NLRC5: variants seen among roughly 807,000 people sequenced by gnomAD.
The protein encoded by NLRC5 is NLR family CARD domain containing 5, also known as protein NLRC5.
Under a neutral mutation model 206.9 loss-of-function variants are expected in NLRC5, and 114 were observed. The ratio of observed to expected loss-of-function variants is 0.55; its 90% CI spans 0.47 to 0.64. The LOEUF is 0.64. NLRC5 is among the 30% of genes least tolerant of loss of function. NLRC5 has a pLI of 0.00. For synonymous variants in NLRC5, 952 were observed against 962.8 expected (o/e 0.99, Z 0.21); for missense variants, 2,008 against 2,305.5 (o/e 0.87, Z 2.64).
In NLRC5 at chr16:57,067,587, T is replaced by C. The variant is rs1182407697; in HGVS notation, c.4406+117T>C. The C allele has an allele frequency of 4.4e-6, 6 of 1,368,058 alleles. No homozygotes were observed. The Admixed American group carries it at 1.1e-4, about 25-fold the overall frequency. 84.7% of individuals were successfully genotyped at this position (1,368,058 alleles called of 1,614,324 possible). A position where few individuals can be genotyped will look rare whatever the true frequency, so the allele number is the denominator to read the frequency against. On this transcript the variant is annotated intron_variant, in intron 35 of 48. Transcript: ENST00000688547. ...TCCTTGTGCAGGAGAAAATCACACT[T>C]GGCCAGTGGAGGGGAGGGAGAGCCC...
rs767174444 is a variant in NLRC5, at chr16:57,066,570, G to T, written c.4278G>T (p.Leu1426=). 1 of 1,614,048 alleles carries T rather than the reference G, an allele frequency of 6.2e-7. No individual in the cohort carries two copies. The highest frequency in any genetic ancestry group is 8.5e-7 in the Non-Finnish European group (1 of 1,180,008). Residue 1426 remains leucine (L), a synonymous_variant, in exon 34 of 49, where the codon CTG becomes CTT. Transcript: ENST00000688547. ...SETQQQLCVQ[L]EFPRQEENPE... The stretch of plus-strand genomic sequence containing the variant: ...CCCAGCAGCAGCTCTGTGTCCAGCT[G>T]GAATTTCCTCGCCAGGAAGAGAATC...
At chr16:57,006,124 G>A (rs547563889) in intron 1 of NLRC5, among the ~76,000 whole-genome samples, 5 of 151,324 alleles carry the variant, frequency 3.3e-5, no homozygotes, top group East Asian at 4.0e-4. Context: ...TCAACCTTGC[G>A]GGTAGCTTGG....
chr16:57,017,164 C>A lies in NLRC5; in HGVS notation c.-37C>A, dbSNP rs976989890. ...GACCCTCTCCGTGGGGACCCTAGAG[C>A]ACCTATCATGAACGAGGAGACCAAG... On this transcript the variant is annotated 5_prime_UTR_variant, in exon 2 of 49. Coordinates refer to ENST00000688547, the MANE Select transcript of NLRC5 (RefSeq NM_001384950.1). 1 of 152,750 alleles carries A rather than the reference C, an allele frequency of 6.5e-6. No individual in the cohort carries two copies. The highest frequency in any genetic ancestry group is 1.5e-5 in the Non-Finnish European group (1 of 68,072). 9.5% of individuals were successfully genotyped at this position (152,750 alleles called of 1,614,324 possible). A position where few individuals can be genotyped will look rare whatever the true frequency, so the allele number is the denominator to read the frequency against.
At chr16:57,033,828 C>G (rs2062169885) in intron 12 of NLRC5, among the ~76,000 whole-genome samples, 159 bp downstream of exon 12, 1 of 152,156 alleles carries the variant, frequency 6.6e-6, no homozygotes, top group South Asian at 2.1e-4. Context: ...CCCATCCTGG[C>G]TTGAATAAGG....
At chr16:57,055,259 G>A (rs899923447) in intron 26 of NLRC5, among the ~76,000 whole-genome samples, 165 bp downstream of exon 26, 3 of 152,216 alleles carry the variant, frequency 2.0e-5, no homozygotes, top group South Asian at 2.1e-4. Flanking sequence ...ACACAGGTCC[G>A]GGTGGGATCT....
chr16:57,067,925 CTG>C (rs2067240170), intron 36 of NLRC5, 97 bp downstream of exon 36: 1 of 961,662 alleles, frequency 1.0e-6, no homozygotes, highest in African/African-American at 1.6e-5. Flanking sequence ...GACTCTTACT[CTG>C]TGTCTTACTC....
chr16:57,009,839 G>A lies in NLRC5; in HGVS notation c.-127-7235G>A, dbSNP rs528311978. Among the ~76,000 whole-genome samples, 13 of 152,296 alleles carry A rather than the reference G, an allele frequency of 8.5e-5. 1 individual carries two copies. The East Asian group carries it at 2.5e-3, about 29-fold the overall frequency. On this transcript the variant is annotated intron_variant, in intron 1 of 48. Coordinates refer to ENST00000688547, the MANE Select transcript of NLRC5 (RefSeq NM_001384950.1). ...CTTTCATTCTGGGTGAGATGAGAAG[G>A]CTCTAAGGGGCATAGGACCTGATGT... is the stretch of plus-strand genomic sequence containing the variant.
At chr16:57,077,162 C>T in intron 40 of NLRC5, 134 bp from the exon 41 acceptor site, 2 of 793,308 alleles carry the variant, frequency 2.5e-6, no homozygotes, top group Non-Finnish European at 4.2e-6. Flanking sequence ...AGCTGTCACT[C>T]AACATGGGGT....
At chr16:56,991,890 C>G (rs1337344803) in intron 1 of NLRC5, 1 of 152,140 alleles carries the variant, frequency 6.6e-6, no homozygotes, top group African/African-American at 2.4e-5. Context: ...TCGGCGCCTC[C>G]TAACGTGACC....
chr16:57,043,898 AT>A (rs5817086), intron 20 of NLRC5: 196,446 of 399,208 alleles, frequency 0.49, 50,097 homozygotes, highest in East Asian at 0.76. Context: ...TTTTTTTAGG[AT>A]TTTTTTTTTA....
chr16:56,990,090 T>G (rs1206730155), intron 1 of NLRC5, among the ~76,000 whole-genome samples: 1 of 152,212 alleles, frequency 6.6e-6, no homozygotes, highest in Non-Finnish European at 1.5e-5. Context: ...TATACAATAG[T>G]AGAAGGAATA....
At chr16:57,081,326 G>A in intron 47 of NLRC5, 145 bp downstream of exon 47, 1 of 931,432 alleles carries the variant, frequency 1.1e-6, no homozygotes, top group Non-Finnish European at 1.6e-6. Context: ...CCCCTGCCAG[G>A]CTTAGTTCCC....
chr16:57,024,460 T>C (rs1312445689), intron 5 of NLRC5, among the ~76,000 whole-genome samples: 1 of 152,188 alleles, frequency 6.6e-6, no homozygotes, highest in African/African-American at 2.4e-5. Context: ...TCAAAATAGT[T>C]CACTACCTTG....
At chr16:57,017,294 G>T (rs1168832405) in intron 2 of NLRC5, 106 bp downstream of exon 2, 1 of 152,458 alleles carries the variant, frequency 6.6e-6, no homozygotes, top group African/African-American at 2.4e-5. Context: ...TGCCTTACTG[G>T]GCTGCCCCCA....
intron 24 of NLRC5, 33 bp downstream of exon 24, chr16:57,051,654 C>G (rs771742853): frequency 6.4e-7 from 1 of 1,559,876 alleles, no homozygotes; most frequent in Non-Finnish European, 8.8e-7. Flanking sequence ...TTCCCGGTTC[C>G]TTGTGCTCGT....
intron 7 of NLRC5, 33 bp downstream of exon 7, chr16:57,028,188 C>T (rs773955405): frequency 6.3e-7 from 1 of 1,593,602 alleles, no homozygotes; most frequent in South Asian, 1.1e-5. Context: ...GAAGGGTCTT[C>T]AGCTGGGGAT....
intron 33 of NLRC5, among the ~76,000 whole-genome samples, 189 bp from the exon 34 acceptor site, chr16:57,066,345 G>A (rs940670686): frequency 6.6e-6 from 1 of 151,960 alleles, no homozygotes. Flanking sequence ...TTGTTGAAAA[G>A]GCACTACTTG....
In NLRC5 at chr16:56,992,469, A is replaced by G. The variant is rs907135871; in HGVS notation, c.-128+2852A>G. The G allele has an allele frequency of 2.7e-5, 4 of 149,318 alleles. No individual in the cohort carries two copies. In the East Asian group the frequency reaches 7.8e-4, roughly 29 times the overall value. The allele number at this position is 149,318 out of a possible 1,614,324, so 9.2% of individuals were successfully genotyped here. A position where few individuals can be genotyped will look rare whatever the true frequency, so the allele number is the denominator to read the frequency against. Reference sequence around the variant, plus strand: ...TCTTTTTTATTTTATTTATTTATTTATTTTATTTTATTTTTTTTTTTTAGT... The same window carrying G: ...TCTTTTTTATTTTATTTATTTATTTGTTTTATTTTATTTTTTTTTTTTAGT... On this transcript the variant is annotated intron_variant, in intron 1 of 48. Coordinates refer to ENST00000688547, the MANE Select transcript of NLRC5 (RefSeq NM_001384950.1).
intron 43 of NLRC5, 51 bp from the exon 44 acceptor site, chr16:57,078,999 T>C (rs1356790916): frequency 6.5e-6 from 10 of 1,529,280 alleles, no homozygotes; most frequent in East Asian, 4.5e-5. Flanking sequence ...AGGGTGGGGC[T>C]CTGGAAACGC....
Sources: gnomAD v4.1 joint callset for allele counts (sites outside exome capture counted in the v4.1 genomes callset) on GRCh38, gnomAD v4.1.1 for gene constraint, MANE v1.5 for transcripts, NCBI Gene and HGNC (gene_info 2026-07-23, HGNC 2026-07-21) for gene names.